The following NRXN1 variants were observed in gnomAD, a reference collection of about 807,000 sequenced individuals.
NRXN1 encodes neurexin 1.
Under a neutral mutation model 150.9 loss-of-function variants are expected in NRXN1, and 39 were observed. That is an observed-to-expected ratio of 0.26 (90% CI 0.20 to 0.34). NRXN1 has a LOEUF of 0.34. Ranked by LOEUF, NRXN1 falls within the 10% of genes least tolerant of loss-of-function variation. NRXN1 has a pLI of 1.00. For missense variants in NRXN1, 1,815 were observed against 1,949.9 expected (o/e 0.93, Z 1.30); for synonymous variants, 924 against 757.0 (o/e 1.22, Z -3.62).
intron 17 of NRXN1, among the ~76,000 whole-genome samples, chr2:50,300,369 T>C (rs1000289522): frequency 2.6e-5 from 4 of 152,162 alleles, no homozygotes; most frequent in African/African-American, 9.7e-5. Context: ...TGTACTCAAG[T>C]GTACTATGGA....
intron 5 of NRXN1, among the ~76,000 whole-genome samples, chr2:50,816,313 CA>C (rs1668927736): frequency 1.3e-5 from 2 of 152,074 alleles, no homozygotes; most frequent in South Asian, 4.1e-4. Context: ...GCACAGTCTA[CA>C]CATTTCAGTG....
chr2:50,664,910 T>A (rs555414580), intron 5 of NRXN1, among the ~76,000 whole-genome samples: 8 of 152,168 alleles, frequency 5.3e-5, no homozygotes. Context: ...GAGATATTTA[T>A]CCTTCAAATT....
At chr2:50,799,117 G>T (rs1026497121) in intron 5 of NRXN1, among the ~76,000 whole-genome samples, 1 of 151,840 alleles carries the variant, frequency 6.6e-6, no homozygotes, top group African/African-American at 2.4e-5. Context: ...TTTCTTGTTG[G>T]ACATGAAAAA....
chr2:50,811,190 C>G (rs531252522), intron 5 of NRXN1, among the ~76,000 whole-genome samples: 2 of 152,106 alleles, frequency 1.3e-5, no homozygotes, highest in African/African-American at 4.8e-5. Flanking sequence ...CTCTCAATGA[C>G]CGGCTAATCC....
At chr2:50,889,924 A>G (rs187585921) in intron 5 of NRXN1, among the ~76,000 whole-genome samples, 156 of 151,922 alleles carry the variant, frequency 1.0e-3, no homozygotes, top group African/African-American at 3.7e-3. Context: ...TTCAGTAACT[A>G]ATAAAAATGC....
chr2:50,231,836 A>G (rs1040316190), intron 18 of NRXN1, among the ~76,000 whole-genome samples: 1 of 148,872 alleles, frequency 6.7e-6, no homozygotes, highest in African/African-American at 2.5e-5. Flanking sequence ...AAGTGACAAC[A>G]TTGGTAAAAT....
intron 9 of NRXN1, among the ~76,000 whole-genome samples, chr2:50,548,383 C>A (rs1196931559): frequency 2.6e-5 from 4 of 152,114 alleles, no homozygotes; most frequent in Non-Finnish European, 4.4e-5. Flanking sequence ...GTTGCATTCA[C>A]AAGAGAACAC....
chr2:50,598,049 G>T (rs1395583190), intron 8 of NRXN1, among the ~76,000 whole-genome samples: 1 of 151,976 alleles, frequency 6.6e-6, no homozygotes, highest in Non-Finnish European at 1.5e-5. Flanking sequence ...TGAGGCAGGA[G>T]AATTGCTTGA....
At chr2:51,000,184 G>A (rs1699852186) in intron 2 of NRXN1, among the ~76,000 whole-genome samples, 1 of 151,942 alleles carries the variant, frequency 6.6e-6, no homozygotes, top group African/African-American at 2.4e-5. Context: ...AGAGCTGCAT[G>A]TTTCTTTGTT....
intron 17 of NRXN1, among the ~76,000 whole-genome samples, chr2:50,313,953 T>C (rs556594376): frequency 1.3e-5 from 2 of 152,178 alleles, no homozygotes; most frequent in Admixed American, 6.5e-5. Flanking sequence ...ATACAAGGAA[T>C]TTGTTAGTCT....
At chr2:50,432,067 A>G (rs1339271409) in intron 17 of NRXN1, among the ~76,000 whole-genome samples, 1 of 152,172 alleles carries the variant, frequency 6.6e-6, no homozygotes, top group African/African-American at 2.4e-5. Context: ...GTATTGCTCG[A>G]TGTTAGCTAG....
chr2:50,841,394 T>A (rs1405462522), intron 5 of NRXN1, among the ~76,000 whole-genome samples: 1 of 152,178 alleles, frequency 6.6e-6, no homozygotes, highest in Admixed American at 6.5e-5. Flanking sequence ...CATTACTGTG[T>A]TTGCCTCCAT....
chr2:50,630,738 A>C (rs573320033), intron 5 of NRXN1, among the ~76,000 whole-genome samples: 1 of 151,930 alleles, frequency 6.6e-6, no homozygotes, highest in East Asian at 1.9e-4. Flanking sequence ...GTTCAACATA[A>C]ACCAGAAACT....
chr2:50,902,985 C>A (rs897157326), intron 5 of NRXN1, among the ~76,000 whole-genome samples: 1 of 151,842 alleles, frequency 6.6e-6, no homozygotes, highest in Non-Finnish European at 1.5e-5. Flanking sequence ...CTTTTACAAA[C>A]CAAAAACAAG....
At chr2:50,237,321 C>T (rs2152880200) in intron 17 of NRXN1, among the ~76,000 whole-genome samples, 1 of 152,164 alleles carries the variant, frequency 6.6e-6, no homozygotes, top group East Asian at 1.9e-4. Context: ...TGACTGGATG[C>T]TTCCAAAAAG....
At chr2:50,665,108 A>G (rs1488097995) in intron 5 of NRXN1, among the ~76,000 whole-genome samples, 1 of 151,988 alleles carries the variant, frequency 6.6e-6, no homozygotes, top group East Asian at 1.9e-4. Flanking sequence ...GTTTTTCCTC[A>G]GTATGCACAA....
chr2:50,125,003 T>G (rs1166690188), intron 18 of NRXN1, among the ~76,000 whole-genome samples: 2 of 152,120 alleles, frequency 1.3e-5, no homozygotes, highest in Non-Finnish European at 2.9e-5. Flanking sequence ...TATACAAACA[T>G]AGATATGTAT....
intron 17 of NRXN1, among the ~76,000 whole-genome samples, chr2:50,304,569 TA>T (rs2074442157): frequency 1.3e-5 from 2 of 152,160 alleles, no homozygotes; most frequent in African/African-American, 4.8e-5. Flanking sequence ...CTGGGTAATA[TA>T]TAAACACAAA....
chr2:50,115,182 A>G (rs564112069), intron 18 of NRXN1, among the ~76,000 whole-genome samples: 1 of 148,372 alleles, frequency 6.7e-6, no homozygotes, highest in East Asian at 2.0e-4. Context: ...TACTCTAAAG[A>G]ATAAAACTTA....
Sources: allele counts gnomAD v4.1 joint callset (sites outside exome capture counted in the v4.1 genomes callset), GRCh38; gene constraint gnomAD v4.1.1; transcripts MANE v1.5; gene names NCBI Gene and HGNC (gene_info 2026-07-23, HGNC 2026-07-21).